DPYSL3: variants seen among roughly 807,000 people sequenced by gnomAD.
DPYSL3 encodes dihydropyrimidinase-related protein 3.
DPYSL3 carries 16 observed loss-of-function variants against 66.1 expected under a neutral mutation model. The ratio of observed to expected loss-of-function variants is 0.24; its 90% CI spans 0.16 to 0.37. DPYSL3 has a LOEUF of 0.37. Among genes scored for constraint, DPYSL3 ranks in the 10% least tolerant of loss-of-function variants. The pLI, the probability that DPYSL3 is intolerant of heterozygous loss-of-function variation, is 1.00. For synonymous variants in DPYSL3, 338 were observed against 345.1 expected (o/e 0.98, Z 0.23); for missense variants, 738 against 916.2 (o/e 0.81, Z 2.51).
intron 1 of DPYSL3, among the ~76,000 whole-genome samples, chr5:147,458,340 A>G (rs1022997537): frequency 6.6e-6 from 1 of 152,238 alleles, no homozygotes; most frequent in African/African-American, 2.4e-5. Flanking sequence ...CACCAGCGCC[A>G]TGACAGTTTA....
At chr5:147,406,757 AT>A (rs1483215040) in intron 7 of DPYSL3, among the ~76,000 whole-genome samples, 1 of 152,140 alleles carries the variant, frequency 6.6e-6, no homozygotes, top group African/African-American at 2.4e-5. Flanking sequence ...GCAACACTTC[AT>A]TTTTTTATGG....
rs1758183351 is a variant in DPYSL3 at position 147,401,632 on chromosome 5, G to A, written c.1218C>T (p.Ser406=). ...SLGIDGTHYW[S]KNWAKAAAFV... Reference sequence around the variant, plus strand: ...ATGCAGCCGCCTTGGCCCAGTTCTTGCTCCAATAATGGGTTCCATCTATGC... The same window carrying A: ...ATGCAGCCGCCTTGGCCCAGTTCTTACTCCAATAATGGGTTCCATCTATGC... The change falls in exon 9 of 14, where the codon AGC becomes AGT. Residue 406 remains serine (S), a synonymous_variant. Coordinates refer to ENST00000343218, the MANE Select transcript of DPYSL3 (RefSeq NM_001197294.2). The A allele has an allele frequency of 6.2e-7, 1 of 1,614,038 alleles. No homozygotes were observed. Among genetic ancestry groups the A allele is most frequent in the African/African-American group, 1.3e-5 (1 of 74,932 alleles).
At chr5:147,455,251 A>G (rs184912628) in intron 1 of DPYSL3, among the ~76,000 whole-genome samples, 1 of 152,320 alleles carries the variant, frequency 6.6e-6, no homozygotes, top group East Asian at 1.9e-4. Flanking sequence ...CAGACTGGTC[A>G]CATAATCCAA....
At chr5:147,456,673 C>G (rs1205699226) in intron 1 of DPYSL3, among the ~76,000 whole-genome samples, 1 of 148,532 alleles carries the variant, frequency 6.7e-6, no homozygotes, top group Non-Finnish European at 1.5e-5. Context: ...TCACAGCAAC[C>G]TCCGCCTCCC....
chr5:147,494,373 A>G (rs944729353), intron 1 of DPYSL3, among the ~76,000 whole-genome samples: 4 of 152,116 alleles, frequency 2.6e-5, no homozygotes, highest in African/African-American at 9.7e-5. Flanking sequence ...ATAGATAAAT[A>G]CATTTCTTTT....
chr5:147,484,908 G>A (rs1306758158), intron 1 of DPYSL3, among the ~76,000 whole-genome samples: 1 of 152,106 alleles, frequency 6.6e-6, no homozygotes, highest in East Asian at 1.9e-4. Flanking sequence ...AGATTGAGAT[G>A]GTAAAGAAGT....
Position 147,509,727 on chromosome 5 carries a change from GGC to G in DPYSL3, c.130_131del (p.Ala44LeufsTer85). Reference protein sequence around the residue: ...YGGMFCNVEGAFESKTLDFDA... With the variant: ...YGGMFCNVEGXFESKTLDFDA... ...CGAAATCCAGCGTCTTGCTCTCGAA[GGC>G]GCCCTCCACGTTGCAGAACATGCCG... is the stretch of plus-strand genomic sequence containing the variant. On this transcript the variant is annotated frameshift_variant, in exon 1 of 14. Coordinates refer to ENST00000343218, the MANE Select transcript of DPYSL3 (RefSeq NM_001197294.2). LOFTEE classifies it high-confidence loss of function. The surrounding 1 kb of genome is among the most constrained non-coding windows in gnomAD (Gnocchi z 5.3). 6.5e-7 allele frequency: 1 copy of G among 1,535,998 alleles called. No individual in the cohort carries two copies. The highest frequency in any genetic ancestry group is 8.7e-7 in the Non-Finnish European group (1 of 1,146,804).
intron 1 of DPYSL3, among the ~76,000 whole-genome samples, chr5:147,496,144 G>A (rs1414743633): frequency 1.3e-5 from 2 of 152,168 alleles, no homozygotes; most frequent in Non-Finnish European, 2.9e-5. Flanking sequence ...AACAAGCAAT[G>A]GGGAAAGGAT....
At chr5:147,444,857 C>T (rs1339458354) in intron 1 of DPYSL3, among the ~76,000 whole-genome samples, 1 of 152,024 alleles carries the variant, frequency 6.6e-6, no homozygotes, top group Non-Finnish European at 1.5e-5. Context: ...ATGTAAATGT[C>T]CAGCCCTAAT....
rs368549986 is a variant in DPYSL3 at position 147,426,187 on chromosome 5, T to C, written c.382-1224A>G. On this transcript the variant is annotated intron_variant, in intron 1 of 13. Coordinates refer to ENST00000343218, the MANE Select transcript of DPYSL3 (RefSeq NM_001197294.2). ...CAAAATACAGGGGAGTGGGCTTGTT[T>C]AGAGGCTGGAAAATGTCTTTTCAGG... 2.2e-4 allele frequency among the ~76,000 whole-genome samples: 34 copies of C among 152,238 alleles called. No homozygotes were observed. In the East Asian group the frequency reaches 5.0e-3, roughly 23 times the overall value.
intron 7 of DPYSL3, among the ~76,000 whole-genome samples, chr5:147,407,918 A>G (rs1751741945): frequency 6.6e-6 from 1 of 152,126 alleles, no homozygotes; most frequent in South Asian, 2.1e-4. Flanking sequence ...GTGAAAATTC[A>G]TTGCCTCCTT....
At chr5:147,413,480 T>C (rs1488591092) in intron 5 of DPYSL3, 116 bp downstream of exon 5, 8 of 775,832 alleles carry the variant, frequency 1.0e-5, no homozygotes, top group Non-Finnish European at 1.7e-5. Flanking sequence ...AGAAGCATTC[T>C]GGCCCAGTGG....
At chr5:147,411,353 C>T (rs1310997812) in intron 6 of DPYSL3, among the ~76,000 whole-genome samples, 10 of 152,158 alleles carry the variant, frequency 6.6e-5, no homozygotes, top group Non-Finnish European at 1.2e-4. Flanking sequence ...AGCTGGAGCC[C>T]TGCATGGCTG....
chr5:147,407,810 T>C (rs1751738965), intron 7 of DPYSL3, among the ~76,000 whole-genome samples: 1 of 152,116 alleles, frequency 6.6e-6, no homozygotes, highest in South Asian at 2.1e-4. Flanking sequence ...TATCACTAGA[T>C]ACAAAGGAGT....
At chr5:147,469,953 G>A (rs1260167611) in intron 1 of DPYSL3, among the ~76,000 whole-genome samples, 3 of 152,206 alleles carry the variant, frequency 2.0e-5, no homozygotes, top group Non-Finnish European at 4.4e-5. Flanking sequence ...AAAAGCTACT[G>A]GCAGAAGGCT....
chr5:147,448,533 A>T (rs1752670128), intron 1 of DPYSL3, among the ~76,000 whole-genome samples: 1 of 152,226 alleles, frequency 6.6e-6, no homozygotes, highest in Admixed American at 6.5e-5. Context: ...TAATTTCCAC[A>T]TTCCAAAGTA....
intron 8 of DPYSL3, among the ~76,000 whole-genome samples, chr5:147,404,892 T>C (rs1379289937): frequency 1.3e-5 from 2 of 152,182 alleles, no homozygotes; most frequent in African/African-American, 4.8e-5. Context: ...GCATCTGCAC[T>C]GTGGCCTCAA....
intron 1 of DPYSL3, among the ~76,000 whole-genome samples, chr5:147,493,281 A>C (rs890965934): frequency 5.9e-5 from 9 of 152,232 alleles, no homozygotes; most frequent in African/African-American, 2.2e-4. Flanking sequence ...TCAGAAATGG[A>C]CAGATCATGG....
intron 6 of DPYSL3, among the ~76,000 whole-genome samples, 200 bp downstream of exon 6, chr5:147,412,408 T>A (rs1581179454): frequency 6.6e-6 from 1 of 152,130 alleles, no homozygotes; most frequent in East Asian, 1.9e-4. Context: ...TTTTACCTCA[T>A]CTTCTAGTTT....
Sources: gnomAD v4.1 joint callset for allele counts (sites outside exome capture counted in the v4.1 genomes callset) on GRCh38, gnomAD v4.1.1 for gene constraint, Gnocchi (gnomAD v3.1) non-coding constraint, MANE v1.5 for transcripts, NCBI Gene and HGNC (gene_info 2026-07-23, HGNC 2026-07-21) for gene names.